Variants in STXBP5L observed in about 807,000 individuals in gnomAD.
STXBP5L encodes syntaxin binding protein 5L.
Under a neutral mutation model 144.5 loss-of-function variants are expected in STXBP5L, and 65 were observed. The observed-to-expected ratio is 0.45, with a 90% CI of 0.37 to 0.55. The LOEUF is 0.55. STXBP5L is among the 20% of genes least tolerant of loss of function. The probability of loss-of-function intolerance (pLI) is 0.00; values close to 1 mark genes in which losing one functional copy is unlikely to be tolerated. For synonymous variants in STXBP5L, 505 were observed against 469.6 expected (o/e 1.08, Z -0.97); for missense variants, 1,298 against 1,405.5 (o/e 0.92, Z 1.22).
At chr3:121,342,855 C>T (rs6808096) in intron 20 of STXBP5L, among the ~76,000 whole-genome samples, 106,580 of 142,142 alleles carry the variant, frequency 0.75, 40,028 homozygotes, top group East Asian at 0.93. Flanking sequence ...CCTTTGGGTA[C>T]ATACCCAGTA....
chr3:121,323,680 T>C (rs902050029), intron 20 of STXBP5L, among the ~76,000 whole-genome samples: 1 of 152,176 alleles, frequency 6.6e-6, no homozygotes, highest in Admixed American at 6.6e-5. Context: ...AAAATAAACA[T>C]ACTTCAAATG....
intron 2 of STXBP5L, among the ~76,000 whole-genome samples, chr3:120,924,201 C>A (rs556925856): frequency 6.6e-6 from 1 of 152,242 alleles, no homozygotes; most frequent in Admixed American, 6.5e-5. Context: ...ACCACACAAT[C>A]CCACTGCATT....
chr3:120,993,729 A>G (rs1052565470), intron 3 of STXBP5L, among the ~76,000 whole-genome samples: 6 of 152,078 alleles, frequency 3.9e-5, no homozygotes, highest in African/African-American at 1.2e-4. Flanking sequence ...GACATCAGGT[A>G]GTGTGATGCT....
intron 4 of STXBP5L, among the ~76,000 whole-genome samples, chr3:121,044,166 A>G (rs1391722877): frequency 6.6e-6 from 1 of 152,278 alleles, no homozygotes; most frequent in Non-Finnish European, 1.5e-5. Flanking sequence ...ATCTTTGAAC[A>G]TGTATGTATG....
At chr3:121,219,448 C>T (rs1488826386) in intron 10 of STXBP5L, among the ~76,000 whole-genome samples, 1 of 152,040 alleles carries the variant, frequency 6.6e-6, no homozygotes, top group East Asian at 1.9e-4. Flanking sequence ...GTTTTCTTCT[C>T]GGTTTTATGT....
At chr3:121,007,256 A>G (rs115576110) in intron 3 of STXBP5L, among the ~76,000 whole-genome samples, 6 of 152,056 alleles carry the variant, frequency 3.9e-5, no homozygotes, top group African/African-American at 9.7e-5. Flanking sequence ...ATGATACATT[A>G]TCTATCTTAT....
At chr3:121,132,532 TC>T (rs1169605755) in intron 7 of STXBP5L, among the ~76,000 whole-genome samples, 1 of 152,204 alleles carries the variant, frequency 6.6e-6, no homozygotes, top group African/African-American at 2.4e-5. Flanking sequence ...GGGGTACTTC[TC>T]TATGAGAACA....
chr3:121,314,948 C>G (rs1253463770), intron 19 of STXBP5L, among the ~76,000 whole-genome samples: 2 of 152,154 alleles, frequency 1.3e-5, no homozygotes, highest in East Asian at 3.9e-4. Flanking sequence ...CCATCTCACA[C>G]CCGTTAGAAT....
chr3:121,096,148 G>A (rs1443349010), intron 5 of STXBP5L, among the ~76,000 whole-genome samples: 1 of 152,104 alleles, frequency 6.6e-6, no homozygotes, highest in Non-Finnish European at 1.5e-5. Flanking sequence ...GATGAACCCG[G>A]TACCTCAGTT....
At chr3:121,282,116 T>G in intron 19 of STXBP5L, 4 of 473,614 alleles carry the variant, frequency 8.4e-6, no homozygotes, top group East Asian at 6.4e-5. Context: ...TTTATTAATA[T>G]CTCCTTCTAA....
chr3:120,959,115 A>G (rs1938420002), intron 3 of STXBP5L, among the ~76,000 whole-genome samples: 1 of 151,970 alleles, frequency 6.6e-6, no homozygotes. Context: ...CCAAAAACAG[A>G]CAGAGAGCCA....
At position 121,034,522 on chromosome 3, in the gene STXBP5L, CATCT is replaced by C. The variant is rs527562574; in HGVS notation, c.288-7158_288-7155del. 5.0e-3 allele frequency among the ~76,000 whole-genome samples: 754 copies of C among 151,610 alleles called. 6 individuals are homozygous for C. Among genetic ancestry groups the C allele is most frequent in the African/African-American group, 0.012 (503 of 41,260 alleles). On this transcript the variant is annotated intron_variant, in intron 3 of 26. Coordinates refer to ENST00000471454, the MANE Select transcript of STXBP5L (RefSeq NM_001308330.2). Reference sequence around the variant, plus strand: ...TCTCTCTATATAGCTGTACCTATATCATCTATCTATCTATCTATCTATCATCTAT... The same window carrying C: ...TCTCTCTATATAGCTGTACCTATATCATCTATCTATCTATCTATCATCTAT...
intron 11 of STXBP5L, among the ~76,000 whole-genome samples, chr3:121,230,167 AG>A (rs1402021015): frequency 1.1e-4 from 16 of 152,178 alleles, no homozygotes; most frequent in African/African-American, 3.9e-4. Flanking sequence ...TAGACAAACT[AG>A]TCATCATTCC....
chr3:121,325,845 T>G (rs963194461), intron 20 of STXBP5L, among the ~76,000 whole-genome samples: 1 of 151,968 alleles, frequency 6.6e-6, no homozygotes, highest in Non-Finnish European at 1.5e-5. Context: ...TTATTTTGTA[T>G]GAATGGAGAA....
At chr3:121,346,314 G>A (rs2044977934) in intron 20 of STXBP5L, among the ~76,000 whole-genome samples, 1 of 152,050 alleles carries the variant, frequency 6.6e-6, no homozygotes, top group Non-Finnish European at 1.5e-5. Flanking sequence ...GTATTCCATG[G>A]TGTATATGTG....
intron 3 of STXBP5L, among the ~76,000 whole-genome samples, chr3:121,022,911 T>G (rs1945665277): frequency 6.6e-6 from 1 of 151,996 alleles, no homozygotes. Flanking sequence ...GCCAGAGCAA[T>G]TAGACAAGAG....
In STXBP5L at chr3:121,072,500, G is replaced by A. The variant is rs936434475; in HGVS notation, c.470+26965G>A. Reference sequence around the variant, plus strand: ...CCTTGATGAAACTGCTTTATGAACCGGGGGGCTATTGCTTCTGCGATGGCA... The same window carrying A: ...CCTTGATGAAACTGCTTTATGAACCAGGGGGCTATTGCTTCTGCGATGGCA... On this transcript the variant is annotated intron_variant, in intron 5 of 26. Coordinates refer to ENST00000471454, the MANE Select transcript of STXBP5L (RefSeq NM_001308330.2). Among the ~76,000 whole-genome samples the A allele has an allele frequency of 3.3e-5, 5 of 152,160 alleles. No individual in the cohort carries two copies. In the South Asian group the frequency reaches 8.3e-4, roughly 25 times the overall value.
chr3:121,178,851 G>A (rs2047033229), intron 9 of STXBP5L, among the ~76,000 whole-genome samples: 1 of 152,018 alleles, frequency 6.6e-6, no homozygotes, highest in South Asian at 2.1e-4. Context: ...GCAGAATTAG[G>A]GAAGAGTCAG....
chr3:121,421,381 G>A lies in STXBP5L; in HGVS notation c.*2284G>A, dbSNP rs2108762210. 1 of 148,496 alleles carries A rather than the reference G, an allele frequency of 6.7e-6. No individual in the cohort carries two copies. Among genetic ancestry groups the A allele is most frequent in the East Asian group, 1.9e-4 (1 of 5,178 alleles). 9.2% of individuals were successfully genotyped at this position (148,496 alleles called of 1,614,324 possible). A position where few individuals can be genotyped will look rare whatever the true frequency, so the allele number is the denominator to read the frequency against. ...GCACTATTAGCTGAAAGTCTTTGTTGTGGGGAACTGTCCTGTGTATTGTAG... is the reference window on the plus strand; with the variant it reads ...GCACTATTAGCTGAAAGTCTTTGTTATGGGGAACTGTCCTGTGTATTGTAG... On this transcript the variant is annotated 3_prime_UTR_variant, in exon 27 of 27. Transcript: ENST00000471454.
Sources: gnomAD v4.1 joint callset for allele counts (sites outside exome capture counted in the v4.1 genomes callset) on GRCh38, gnomAD v4.1.1 for gene constraint, MANE v1.5 for transcripts, NCBI Gene and HGNC (gene_info 2026-07-23, HGNC 2026-07-21) for gene names.